PABPC1L: variants seen among roughly 807,000 people sequenced by gnomAD.
PABPC1L encodes the protein polyadenylate-binding protein 1-like.
In PABPC1L, 31 loss-of-function variants were observed where a neutral mutation model predicts 66.6. The ratio of observed to expected loss-of-function variants is 0.47; its 90% CI spans 0.35 to 0.63. The LOEUF (loss-of-function observed/expected upper bound fraction) is 0.63, where lower values mean the gene tolerates loss of function less well. Ranked by LOEUF, PABPC1L falls within the 20% of genes least tolerant of loss-of-function variation. The pLI is 0.00. For synonymous variants in PABPC1L, 348 were observed against 335.1 expected (o/e 1.04, Z -0.42); for missense variants, 722 against 848.8 (o/e 0.85, Z 1.86).
intron 12 of PABPC1L, 110 bp from the exon 13 acceptor site, chr20:44,937,951 A>C (rs1195177944): frequency 6.9e-7 from 1 of 1,442,172 alleles, no homozygotes; most frequent in Non-Finnish European, 9.5e-7. Flanking sequence ...TAGAAGGAGC[A>C]GTTCTGGGAG....
Position 44,933,159 on chromosome 20 carries a change from G to C in PABPC1L, c.1433G>C (p.Arg478Pro). Residue 478 changes from arginine (R) to proline (P), a missense_variant, in exon 10 of 15, where the codon CGC becomes CCC. Physicochemically the swap from Arg to Pro is moderately radical, Grantham distance 103. Coordinates refer to ENST00000217073, the MANE Select transcript of PABPC1L (RefSeq NM_001372179.1). ...SVRQASTQVP[R>P]TVPHTQRVAN... ...AGGCAGGCCTCCACCCAGGTGCCACGCACGGTGCCTCATACCCAGAGAGTA... is the reference window on the plus strand; with the variant it reads ...AGGCAGGCCTCCACCCAGGTGCCACCCACGGTGCCTCATACCCAGAGAGTA... 2 of 1,608,606 alleles carry C rather than the reference G, an allele frequency of 1.2e-6. No individual in the cohort carries two copies. The highest frequency in any genetic ancestry group is 1.7e-6 in the Non-Finnish European group (2 of 1,178,136).
intron 3 of PABPC1L, among the ~76,000 whole-genome samples, chr20:44,917,102 A>AT (rs1374980438): frequency 2.6e-5 from 4 of 152,158 alleles, no homozygotes; most frequent in Non-Finnish European, 4.4e-5. Flanking sequence ...GGAAGTGGTG[A>AT]TTTTAAAACT....
At position 44,932,417 on chromosome 20, in the gene PABPC1L, C is replaced by G. The variant is rs184940377; in HGVS notation, c.1315C>G (p.Pro439Ala). 2.5e-6 allele frequency: 4 copies of G among 1,613,390 alleles called. No individual in the cohort carries two copies. Among genetic ancestry groups the G allele is most frequent in the Non-Finnish European group, 3.4e-6 (4 of 1,179,528 alleles). The change falls in exon 9 of 15, where the codon CCA becomes GCA. Residue 439 changes from proline to alanine, a missense_variant. By Grantham distance (27) the Pro-to-Ala change is conservative. Around this residue, in one of 3 missense-constraint regions of PABPC1L, gnomAD observed 301 missense variants for 337.2 expected, o/e 0.89. Transcript: ENST00000217073. ...TQPAPRWTSQ[P>A]PRPSSAYPPG... ...GCCTGCCCCCAGGTGGACATCCCAG[C>G]CACCTAGACCTTCCTGTGAGTGACC...
intron 8 of PABPC1L, chr20:44,931,547 T>TG (rs1489675987): frequency 2.0e-5 from 3 of 152,014 alleles, no homozygotes; most frequent in Non-Finnish European, 4.4e-5. Flanking sequence ...CAGAATGGAG[T>TG]GCAGTGACAC....
chr20:44,939,078 G>C, intron 14 of PABPC1L, 48 bp from the exon 15 acceptor site: 1 of 717,360 alleles, frequency 1.4e-6, no homozygotes, highest in South Asian at 1.5e-5. Context: ...TGAAGACTGG[G>C]TGTCTGCCAT....
rs755621507 is a variant in PABPC1L, at chr20:44,910,155, C to G, written c.12C>G (p.Ser4Arg). Residue 4 changes from serine (S) to arginine (R), a missense_variant, in exon 1 of 15, where the codon AGC becomes AGG. This residue lies in a region of PABPC1L where 284 missense variants were observed against 294.8 expected (regional missense o/e 0.96). Transcript: ENST00000217073. MNA[S>R]GSGYPLASLY... ...GCCCCCTGCCCACCATGAACGCCAG[C>G]GGTTCTGGCTACCCGCTTGCCTCGC... The G allele has an allele frequency of 1.3e-5, 20 of 1,565,884 alleles. No homozygotes were observed. Among genetic ancestry groups the G allele is most frequent in the Non-Finnish European group, 1.7e-5 (20 of 1,155,910 alleles).
intron 8 of PABPC1L, 110 bp from the exon 9 acceptor site, chr20:44,932,232 A>C: frequency 1.4e-6 from 1 of 735,980 alleles, no homozygotes; most frequent in Non-Finnish European, 2.2e-6. Context: ...TTGACTCACC[A>C]GTCCCTGCAG....
At chr20:44,930,353 G>A (rs777266852) in intron 7 of PABPC1L, 107 bp from the exon 8 acceptor site, 15 of 1,419,366 alleles carry the variant, frequency 1.1e-5, no homozygotes, top group Non-Finnish European at 1.2e-5. Flanking sequence ...CAGCTTTCTC[G>A]CGGGCCTGCC....
intron 1 of PABPC1L, 39 bp downstream of exon 1, chr20:44,910,375 G>C: frequency 6.9e-7 from 1 of 1,445,562 alleles, no homozygotes; most frequent in Non-Finnish European, 9.1e-7. Context: ...AAGGACCGAC[G>C]GACAAGCAGG....
At chr20:44,929,953 C>T (rs957489005) in intron 7 of PABPC1L, among the ~76,000 whole-genome samples, 19 of 152,250 alleles carry the variant, frequency 1.2e-4, no homozygotes, top group South Asian at 6.2e-4. Flanking sequence ...TTAGCAGAGG[C>T]GATAGAAGCT....
chr20:44,938,598 C>T (rs567211029), intron 13 of PABPC1L, 76 bp from the exon 14 acceptor site: 44 of 1,502,884 alleles, frequency 2.9e-5, no homozygotes, highest in South Asian at 2.1e-4. Flanking sequence ...GGATGGTGAG[C>T]GAGGGGGAGA....
In PABPC1L at chr20:44,932,452, C is replaced by T; in HGVS notation, c.1330+20C>T. ...CTTCCTGTGAGTGACCCAGCCCCTTCCACTCTCAGACTGGCCTATTGGTGT... is the reference window on the plus strand; with the variant it reads ...CTTCCTGTGAGTGACCCAGCCCCTTTCACTCTCAGACTGGCCTATTGGTGT... On this transcript the variant is annotated intron_variant, in intron 9 of 14. Coordinates refer to ENST00000217073, the MANE Select transcript of PABPC1L (RefSeq NM_001372179.1). 3 of 1,597,610 alleles carry T rather than the reference C, an allele frequency of 1.9e-6. No homozygotes were observed. Among genetic ancestry groups the T allele is most frequent in the Non-Finnish European group, 2.6e-6 (3 of 1,167,878 alleles).
intron 1 of PABPC1L, among the ~76,000 whole-genome samples, 185 bp from the exon 2 acceptor site, chr20:44,912,475 G>A (rs2066711592): frequency 6.6e-6 from 1 of 152,156 alleles, no homozygotes; most frequent in African/African-American, 2.4e-5. Context: ...CTAATTCTCA[G>A]CTTATCCTTC....
At chr20:44,929,259 C>T (rs1479193140) in intron 7 of PABPC1L, among the ~76,000 whole-genome samples, 1 of 152,002 alleles carries the variant, frequency 6.6e-6, no homozygotes, top group Admixed American at 6.6e-5. Flanking sequence ...GAGACCCCAT[C>T]TCTTTAAAAA....
At chr20:44,930,770 C>A in intron 8 of PABPC1L, 44 bp downstream of exon 8, 1 of 1,590,578 alleles carries the variant, frequency 6.3e-7, no homozygotes, top group South Asian at 1.1e-5. Flanking sequence ...TCCCCCCTGC[C>A]CCAGCAAGGC....
chr20:44,931,718 A>C (rs555976513), intron 8 of PABPC1L: 1 of 151,260 alleles, frequency 6.6e-6, no homozygotes, highest in Non-Finnish European at 1.5e-5. Context: ...CTGGTCTTGA[A>C]CTCCTGACCT....
Position 44,918,955 on chromosome 20 carries a change from G to C in PABPC1L, c.553G>C (p.Ala185Pro), listed in dbSNP as rs770086526. 6.2e-7 allele frequency: 1 copy of C among 1,612,476 alleles called. No individual in the cohort carries two copies. Reference protein sequence around the residue: ...SRREREAELGARALEFTNIYV... With the variant: ...SRREREAELGPRALEFTNIYV... ...ACGGGAGCGGGAGGCGGAGCTGGGG[G>C]CGCGGGCCCTGGAGTTCACCAACAT... The change falls in exon 4 of 15, where the codon GCG (alanine) becomes CCG (proline). Residue 185 changes from alanine to proline, a missense_variant. Transcript: ENST00000217073.
At chr20:44,922,747 C>G (rs755517088) in intron 6 of PABPC1L, among the ~76,000 whole-genome samples, 1 of 152,206 alleles carries the variant, frequency 6.6e-6, no homozygotes, top group Non-Finnish European at 1.5e-5. Context: ...ACACAAAACA[C>G]GCACACATAC....
chr20:44,921,515 C>A (rs1443114152), intron 5 of PABPC1L, 79 bp from the exon 6 acceptor site: 1 of 1,561,168 alleles, frequency 6.4e-7, no homozygotes. Flanking sequence ...GCAGGTGGCC[C>A]CTCTAGATCC....
Sources: gnomAD v4.1 joint callset for allele counts (sites outside exome capture counted in the v4.1 genomes callset) on GRCh38, gnomAD v4.1.1 for gene constraint, gnomAD v4.1.1 regional missense constraint, MANE v1.5 for transcripts, NCBI Gene and HGNC (gene_info 2026-07-23, HGNC 2026-07-21) for gene names.